The following RBM12B variants were observed in gnomAD, a reference collection of about 807,000 sequenced individuals.
RBM12B encodes the protein RNA-binding protein 12B.
A neutral mutation model predicts 34.3 loss-of-function variants in RBM12B; 10 were observed. The ratio of observed to expected loss-of-function variants is 0.29; its 90% CI spans 0.18 to 0.49. The LOEUF (loss-of-function observed/expected upper bound fraction) is 0.49, where lower values mean the gene tolerates loss of function less well. Ranked by LOEUF, RBM12B falls within the 20% of genes least tolerant of loss-of-function variation. The pLI, the probability that RBM12B is intolerant of heterozygous loss-of-function variation, is 0.99. For synonymous variants in RBM12B, 477 were observed against 437.1 expected, an observed-to-expected ratio of 1.09 and a Z score of -1.14; for missense variants, 1,139 against 1,262.7, an observed-to-expected ratio of 0.90 and a Z score of 1.48.
rs1176205226 is a variant in RBM12B at position 93,733,414 on chromosome 8, A to C, written c.2997T>G (p.Thr999=). 1.2e-5 allele frequency: 19 copies of C among 1,535,760 alleles called. No individual in the cohort carries two copies. In the East Asian group the frequency reaches 4.3e-4, roughly 35 times the overall value. ...TAGAAATGCTCTCTCTCTACAGCAA[A>C]GTTAACTTAACTTTTCGGGGCCCAA... ...RPVGPRKVKL[T]LL Residue 999 remains threonine (T), a synonymous_variant, in exon 4 of 4, where the codon ACT becomes ACG. Transcript: ENST00000520560.
At position 93,733,972 on chromosome 8, in the gene RBM12B, G is replaced by A. The variant is rs1480633334; in HGVS notation, c.2439C>T (p.Gly813=). The A allele has an allele frequency of 6.2e-7, 1 of 1,612,832 alleles. No homozygotes were observed. Among genetic ancestry groups the A allele is most frequent in the Non-Finnish European group, 8.5e-7 (1 of 1,179,638 alleles). The change falls in exon 4 of 4, where the codon GGC becomes GGT. Residue 813 remains glycine (G), a synonymous_variant. Coordinates refer to ENST00000520560, the MANE Select transcript of RBM12B (RefSeq NM_001377960.1). ...FRHPPDEDFR[G]PPDEDFRHPP... is the part of the protein sequence containing the mutation. ...GGTGCCTAAAGTCTTCATCAGGAGG[G>A]CCCCTGAAGTCTTCATCTGGTGGGT...
In RBM12B at chr8:93,733,968, G is replaced by A. The variant is rs146661551; in HGVS notation, c.2443C>T (p.Pro815Ser). The A allele has an allele frequency of 0.018, 28,604 of 1,613,324 alleles. 306 individuals carry two copies. Among genetic ancestry groups the A allele is most frequent in the Non-Finnish European group, 0.021 (24,478 of 1,179,752 alleles). Residue 815 changes from proline (P) to serine (S), a missense_variant, in exon 4 of 4, where the codon CCT becomes TCT. Physicochemically the swap from Pro to Ser is moderately conservative, Grantham distance 74. This residue lies in a region of RBM12B where 863 missense variants were observed against 869.5 expected (regional missense o/e 0.99). Coordinates refer to ENST00000520560, the MANE Select transcript of RBM12B (RefSeq NM_001377960.1). ...GGAGGGTGCCTAAAGTCTTCATCAG[G>A]AGGGCCCCTGAAGTCTTCATCTGGT... ...HPPDEDFRGP[P>S]DEDFRHPPDE...
In RBM12B at chr8:93,734,203, T is replaced by TGGGGGTGGCCGACGGAAATGCTCC. The variant is rs777199388; in HGVS notation, c.2184_2207dup (p.Pro776_Pro783dup). ...CTGGAGGTGGTCTCCGGAAATGCTCTGGGGGTGGCCGACGGAAATGCTCCT... is the reference window on the plus strand; with the variant it reads ...CTGGAGGTGGTCTCCGGAAATGCTCTGGGGGTGGCCGACGGAAATGCTCCGGGGGTGGCCGACGGAAATGCTCCT... On this transcript the variant is annotated inframe_insertion, in exon 4 of 4. Coordinates refer to ENST00000520560, the MANE Select transcript of RBM12B (RefSeq NM_001377960.1). 6 of 1,588,410 alleles carry TGGGGGTGGCCGACGGAAATGCTCC rather than the reference T, an allele frequency of 3.8e-6. No individual in the cohort carries two copies. In the East Asian group the frequency reaches 9.0e-5, roughly 24 times the overall value.
rs945776715 is a variant in RBM12B, at chr8:93,732,092, T to G, written c.*1313A>C. The G allele has an allele frequency of 6.6e-6, 1 of 152,234 alleles. No individual in the cohort carries two copies. The highest frequency in any genetic ancestry group is 2.4e-5 in the African/African-American group (1 of 41,450). 9.4% of individuals were successfully genotyped at this position (152,234 alleles called of 1,614,324 possible). ...AAAGCATGAACTGGAGTCAGTGGTC[T>G]GTCTGGGTTAAAATTGGCCCCACGA... is the stretch of plus-strand genomic sequence containing the variant. On this transcript the variant is annotated 3_prime_UTR_variant, in exon 4 of 4. Transcript: ENST00000520560.
In RBM12B at chr8:93,736,054, A is replaced by C. The variant is rs776798320; in HGVS notation, c.357T>G (p.Asn119Lys). ...FIESVKEEAS[N>K]SGYGSSINQD... ...GATTAATTGAAGAGCCATATCCAGA[A>C]TTACTTGCTTCTTCCTTAACAGACT... The change falls in exon 4 of 4, where the codon AAT becomes AAG. Residue 119 changes from asparagine to lysine, a missense_variant. Asn to Lys is a moderately conservative substitution (Grantham distance 94). Transcript: ENST00000520560. 1 of 1,614,238 alleles carries C rather than the reference A, an allele frequency of 6.2e-7. No homozygotes were observed. The highest frequency in any genetic ancestry group is 8.5e-7 in the Non-Finnish European group (1 of 1,180,046).
In RBM12B at chr8:93,736,089, T is replaced by C. The variant is rs201524055; in HGVS notation, c.322A>G (p.Asn108Asp). 37 of 1,614,184 alleles carry C rather than the reference T, an allele frequency of 2.3e-5. No individual in the cohort carries two copies. In the Admixed American group the frequency reaches 2.5e-4, roughly 11 times the overall value. Residue 108 changes from asparagine to aspartate, a missense_variant, in exon 4 of 4, where the codon AAT becomes GAT. By Grantham distance (23) the Asn-to-Asp change is conservative (BLOSUM62 1). Transcript: ENST00000520560. ...SGTSGVDSLS[N>D]FIESVKEEAS... is the part of the protein sequence containing the mutation. ...TCTTCCTTAACAGACTCAATAAAAT[T>C]AGACAGGCTGTCAACCCCTGATGTC...
Position 93,728,244 on chromosome 8 carries a change from G to C in RBM12B, c.*5161C>G, listed in dbSNP as rs200926173. The C allele has an allele frequency of 2.9e-5, 47 of 1,598,890 alleles. No homozygotes were observed. In the African/African-American group the frequency reaches 5.2e-4, roughly 18 times the overall value. The stretch of plus-strand genomic sequence containing the variant: ...ACTAAGAAAGGATCAACAAGCAGAA[G>C]ATGATGAGGATGACGAGTTAGATGT... On this transcript the variant is annotated 3_prime_UTR_variant, in exon 4 of 4. Transcript: ENST00000520560.
In RBM12B at chr8:93,729,229, TAAAG is replaced by T. The variant is rs1239995325; in HGVS notation, c.*4172_*4175del. 2.0e-5 allele frequency: 3 copies of T among 152,078 alleles called. No homozygotes were observed. The highest frequency in any genetic ancestry group is 3.8e-4 in the East Asian group (2 of 5,202). The allele number at this position is 152,078 out of a possible 1,614,324, so 9.4% of individuals were successfully genotyped here. On this transcript the variant is annotated 3_prime_UTR_variant, in exon 4 of 4. Transcript: ENST00000520560. ...AATGCAATTATTCATAACAGAAAAA[TAAAG>T]ACTTTCTAGAAAGCTTCTGACTTTG...
intron 2 of RBM12B, among the ~76,000 whole-genome samples, chr8:93,739,911 G>C (rs1812141032): frequency 6.6e-6 from 1 of 152,270 alleles, no homozygotes; most frequent in South Asian, 2.1e-4. Flanking sequence ...CAAGACTTAA[G>C]GGGATACAGA....
At chr8:93,740,030 AT>A in intron 2 of RBM12B, 18 of 298,410 alleles carry the variant, frequency 6.0e-5, no homozygotes, top group South Asian at 8.6e-5. Context: ...GAGGGAGAGA[AT>A]TTTTTTTAAC....
Position 93,733,330 on chromosome 8 carries a change from C to A in RBM12B, c.*75G>T, listed in dbSNP as rs931333015. On this transcript the variant is annotated 3_prime_UTR_variant, in exon 4 of 4. Transcript: ENST00000520560. Reference sequence around the variant, plus strand: ...TTCATTAGATAATTTAAAAAAAAAACACTTTTTTAAAACAAATGTATTTTA... The same window carrying A: ...TTCATTAGATAATTTAAAAAAAAAAAACTTTTTTAAAACAAATGTATTTTA... 2.6e-4 allele frequency: 298 copies of A among 1,152,746 alleles called. No homozygotes were observed. The highest frequency in any genetic ancestry group is 3.3e-4 in the Middle Eastern group (1 of 3,072). 71.4% of individuals were successfully genotyped at this position (1,152,746 alleles called of 1,614,324 possible). A position where few individuals can be genotyped will look rare whatever the true frequency, so the allele number is the denominator to read the frequency against.
chr8:93,734,843 G>A lies in RBM12B; in HGVS notation c.1568C>T (p.Ala523Val), dbSNP rs1033486280. ...TAGCTGATGTCTAAAGTTTTCAAAA[G>A]CACCAACTGAGTATATTGGTGGGTC... Reference protein sequence around the residue: ...SKDPPIYSVGAFENFRHQLED... With the variant: ...SKDPPIYSVGVFENFRHQLED... The change falls in exon 4 of 4, where the codon GCT becomes GTT. Residue 523 changes from alanine to valine, a missense_variant. Transcript: ENST00000520560. 5.6e-6 allele frequency: 9 copies of A among 1,614,046 alleles called. No homozygotes were observed. The highest frequency in any genetic ancestry group is 7.6e-6 in the Non-Finnish European group (9 of 1,180,038).
rs186635914 is a variant in RBM12B, at chr8:93,734,248, C to T, written c.2163G>A (p.Glu721=). 42 of 1,611,926 alleles carry T rather than the reference C, an allele frequency of 2.6e-5. No homozygotes were observed. The Admixed American group carries it at 6.8e-4, about 26-fold the overall frequency. Reference sequence around the variant, plus strand: ...GCTCCTGAGGTGGCCTCCGGAAATGCTCCTGGGGTGACTGCCTGAAGTCCT... The same window carrying T: ...GCTCCTGAGGTGGCCTCCGGAAATGTTCCTGGGGTGACTGCCTGAAGTCCT... The part of the protein sequence containing the change: ...PEEDFRQSPQ[E]HFRRPPQEHF... Residue 721 remains glutamate (E), a synonymous_variant, in exon 4 of 4, where the codon GAG becomes GAA. Transcript: ENST00000520560.
intron 2 of RBM12B, among the ~76,000 whole-genome samples, chr8:93,738,174 A>T (rs1265765875): frequency 6.6e-6 from 1 of 152,204 alleles, no homozygotes; most frequent in Admixed American, 6.5e-5. Context: ...CTATTGCAAA[A>T]ATAGTAACTG....
At position 93,735,270 on chromosome 8, in the gene RBM12B, C is replaced by T; in HGVS notation, c.1141G>A (p.Asp381Asn). The part of the protein sequence containing the change: ...EKKRSGSLER[D>N]RPGHVSQKYS... ...TTTTGTGAAACATGTCCGGGCCTAT[C>T]TCTCTCTAGTGACCCTGATCTCTTC... The change falls in exon 4 of 4, where the codon GAT becomes AAT. Residue 381 changes from aspartate to asparagine, a missense_variant. Physicochemically the swap from Asp to Asn is conservative, Grantham distance 23. Around this residue, in one of 3 missense-constraint regions of RBM12B, gnomAD observed 863 missense variants for 869.5 expected, o/e 0.99. Coordinates refer to ENST00000520560, the MANE Select transcript of RBM12B (RefSeq NM_001377960.1). The T allele has an allele frequency of 1.2e-6, 2 of 1,613,968 alleles. No homozygotes were observed. The highest frequency in any genetic ancestry group is 2.2e-5 in the East Asian group (1 of 44,884).
At chr8:93,740,310 T>C (rs1451001331) in intron 2 of RBM12B, 1 of 457,238 alleles carries the variant, frequency 2.2e-6, no homozygotes, top group Non-Finnish European at 4.4e-6. Flanking sequence ...GCATCGATTC[T>C]ACAGCCCAAA....
At chr8:93,737,647 G>A (rs1812061026) in intron 2 of RBM12B, among the ~76,000 whole-genome samples, 2 of 152,166 alleles carry the variant, frequency 1.3e-5, no homozygotes, top group South Asian at 4.1e-4. Context: ...AGGAGTGATG[G>A]AAATGTTACA....
At chr8:93,738,597 G>A (rs999647042) in intron 2 of RBM12B, among the ~76,000 whole-genome samples, 3 of 152,102 alleles carry the variant, frequency 2.0e-5, no homozygotes, top group Admixed American at 2.0e-4. Flanking sequence ...CCAGTAGCTG[G>A]GACTACAGGT....
In RBM12B at chr8:93,734,092, G is replaced by C. The variant is rs773739959; in HGVS notation, c.2319C>G (p.Arg773=). Residue 773 remains arginine, a synonymous_variant, in exon 4 of 4, where the codon CGC becomes CGG. Transcript: ENST00000520560. ...GTCTCCGGAAGTGCTCCGGGGGCGG[G>C]CGCCTGAAATGCTCTGGGGGTGGCC... ...FRRPPPEHFR[R]PPPEHFRRPP... 1 of 1,560,772 alleles carries C rather than the reference G, an allele frequency of 6.4e-7. No homozygotes were observed. Among genetic ancestry groups the C allele is most frequent in the Non-Finnish European group, 8.6e-7 (1 of 1,157,240 alleles).
Sources: allele counts gnomAD v4.1 joint callset (sites outside exome capture counted in the v4.1 genomes callset), GRCh38; gene constraint gnomAD v4.1.1; regional missense constraint gnomAD v4.1.1; transcripts MANE v1.5; gene names NCBI Gene and HGNC (gene_info 2026-07-23, HGNC 2026-07-21).